Variants in FUT8 observed in about 807,000 individuals in gnomAD.
FUT8 encodes alpha-(1,6)-fucosyltransferase.
In FUT8, 29 loss-of-function variants were observed where a neutral mutation model predicts 71.3. The observed-to-expected ratio is 0.41, with a 90% CI of 0.30 to 0.55. FUT8 has a LOEUF of 0.55. Ranked by LOEUF, FUT8 falls within the 20% of genes least tolerant of loss-of-function variation. The probability of loss-of-function intolerance (pLI) is 0.34; values close to 1 mark genes in which losing one functional copy is unlikely to be tolerated. For missense variants in FUT8, 544 were observed against 702.1 expected, an observed-to-expected ratio of 0.77 and a Z score of 2.55; for synonymous variants, 254 against 239.3, an observed-to-expected ratio of 1.06 and a Z score of -0.57.
rs771685724 is a variant in FUT8, at chr14:65,561,685, G to T, written c.122G>T (p.Arg41Leu). 11 of 1,613,376 alleles carry T rather than the reference G, an allele frequency of 6.8e-6. No individual in the cohort carries two copies. The highest frequency in any genetic ancestry group is 1.7e-5 in the Admixed American group (1 of 59,918). ...AATGACCATCCTGATCACTCTAGCCGAGAACTGTCCAAGATTCTGGCAAAG... is the reference window on the plus strand; with the variant it reads ...AATGACCATCCTGATCACTCTAGCCTAGAACTGTCCAAGATTCTGGCAAAG... ...RDNDHPDHSS[R>L]ELSKILAKLE... is the part of the protein sequence containing the mutation. Residue 41 changes from arginine (R) to leucine (L), a missense_variant, in exon 3 of 11, where the codon CGA becomes CTA. Coordinates refer to ENST00000673929, the MANE Select transcript of FUT8 (RefSeq NM_001371533.1).
At chr14:65,702,778 C>T (rs1300854083) in intron 7 of FUT8, among the ~76,000 whole-genome samples, 3 of 150,904 alleles carry the variant, frequency 2.0e-5, no homozygotes, top group African/African-American at 4.9e-5. Context: ...TTTGGTGTGT[C>T]GCCAGGCTGG....
chr14:65,443,382 C>A (rs1401339453), intron 1 of FUT8, among the ~76,000 whole-genome samples: 1 of 150,152 alleles, frequency 6.7e-6, no homozygotes, highest in East Asian at 2.0e-4. Context: ...TGCACTCCAG[C>A]CTGGGCAACA....
At chr14:65,435,360 T>C (rs776566710) in intron 1 of FUT8, among the ~76,000 whole-genome samples, 4 of 152,240 alleles carry the variant, frequency 2.6e-5, no homozygotes, top group Non-Finnish European at 5.9e-5. Flanking sequence ...AGTGACATTG[T>C]AGTTATATAG....
chr14:65,694,002 A>G (rs868818089), intron 7 of FUT8, among the ~76,000 whole-genome samples: 2 of 151,848 alleles, frequency 1.3e-5, no homozygotes, highest in Admixed American at 6.6e-5. Flanking sequence ...TTCCTTTATT[A>G]TCGTTTTAAC....
rs543391313 is a variant in FUT8, at chr14:65,664,592, A to G, written c.598-4651A>G. ...AAAAAAGACCAGCTTGCTGTGACAC[A>G]TTTGAATATGAAAGGTACTTCTTCT... On this transcript the variant is annotated intron_variant, in intron 6 of 10. Coordinates refer to ENST00000673929, the MANE Select transcript of FUT8 (RefSeq NM_001371533.1). Among the ~76,000 whole-genome samples, 3 of 152,252 alleles carry G rather than the reference A, an allele frequency of 2.0e-5. No homozygotes were observed. In the South Asian group the frequency reaches 6.2e-4, roughly 32 times the overall value.
chr14:65,593,511 A>G (rs1887799256), intron 3 of FUT8, among the ~76,000 whole-genome samples: 1 of 152,152 alleles, frequency 6.6e-6, no homozygotes, highest in Non-Finnish European at 1.5e-5. Context: ...TGTGATATTA[A>G]TACAGAAATT....
At chr14:65,651,086 C>T (rs971088552) in intron 6 of FUT8, among the ~76,000 whole-genome samples, 2 of 152,206 alleles carry the variant, frequency 1.3e-5, no homozygotes, top group Non-Finnish European at 2.9e-5. Context: ...CCAATGGATG[C>T]TACAGCCACA....
rs560831752 is a variant in FUT8 at position 65,420,509 on chromosome 14, T to C, written c.-326+7295T>C. Among the ~76,000 whole-genome samples the C allele has an allele frequency of 7.9e-5, 12 of 152,130 alleles. No homozygotes were observed. The South Asian group carries it at 2.5e-3, about 31-fold the overall frequency. On this transcript the variant is annotated intron_variant, in intron 1 of 10. Coordinates refer to ENST00000673929, the MANE Select transcript of FUT8 (RefSeq NM_001371533.1). ...ATGATAAATAATGAAAATGTTTTAATAGGGATCATGTGTTCATTTCTACAT... is the reference window on the plus strand; with the variant it reads ...ATGATAAATAATGAAAATGTTTTAACAGGGATCATGTGTTCATTTCTACAT...
chr14:65,736,880 A>G lies in FUT8; in HGVS notation c.1410+3499A>G, dbSNP rs145878418. ...ATATCTCCTTCATAATTCTTTGACAATCTTTAAGTTTTATTCATGTAAACT... is the reference window on the plus strand; with the variant it reads ...ATATCTCCTTCATAATTCTTTGACAGTCTTTAAGTTTTATTCATGTAAACT... On this transcript the variant is annotated intron_variant, in intron 10 of 10. Transcript: ENST00000673929. Among the ~76,000 whole-genome samples, 477 of 152,192 alleles carry G rather than the reference A, an allele frequency of 3.1e-3. 2 individuals carry two copies. The highest frequency in any genetic ancestry group is 3.3e-3 in the African/African-American group (138 of 41,552).
rs1885907625 is a variant in FUT8 at position 65,561,425 on chromosome 14, A to G, written c.-139A>G. On this transcript the variant is annotated 5_prime_UTR_variant, in exon 3 of 11. Coordinates refer to ENST00000673929, the MANE Select transcript of FUT8 (RefSeq NM_001371533.1). ...TTGAAAGATTCACTGCAGGACTACC[A>G]GAGAGAATAATTTGTCTGAAGCATC... 1.3e-6 allele frequency: 1 copy of G among 749,524 alleles called. No homozygotes were observed. The highest frequency in any genetic ancestry group is 2.3e-6 in the Non-Finnish European group (1 of 443,532). The allele number at this position is 749,524 out of a possible 1,614,324, so 46.4% of individuals were successfully genotyped here.
At chr14:65,500,072 A>G in intron 2 of FUT8, among the ~76,000 whole-genome samples, 1 of 152,200 alleles carries the variant, frequency 6.6e-6, no homozygotes, top group East Asian at 1.9e-4. Flanking sequence ...GGGATTGTGT[A>G]GGGATCATAA....
intron 10 of FUT8, among the ~76,000 whole-genome samples, 164 bp from the exon 11 acceptor site, chr14:65,741,929 A>G (rs1896524248): frequency 1.3e-5 from 2 of 151,992 alleles, no homozygotes; most frequent in Admixed American, 6.6e-5. Context: ...ATGAAGAATG[A>G]CTTGTACCAT....
chr14:65,508,866 C>T (rs1882141589), intron 2 of FUT8, among the ~76,000 whole-genome samples: 1 of 152,000 alleles, frequency 6.6e-6, no homozygotes, highest in Non-Finnish European at 1.5e-5. Context: ...TATTTTCTTC[C>T]ATTCTGTGGG....
intron 1 of FUT8, among the ~76,000 whole-genome samples, chr14:65,446,156 A>AT (rs1203917117): frequency 6.6e-6 from 1 of 152,178 alleles, no homozygotes; most frequent in African/African-American, 2.4e-5. Context: ...TAATCTACAG[A>AT]TCCCCCATCT....
At chr14:65,729,636 A>G (rs536910850) in intron 9 of FUT8, among the ~76,000 whole-genome samples, 1 of 151,836 alleles carries the variant, frequency 6.6e-6, no homozygotes, top group East Asian at 1.9e-4. Flanking sequence ...CACCTCAGCC[A>G]TCTGAGTAGC....
chr14:65,403,242 A>G, the FUT8 span, among the ~76,000 whole-genome samples: 1 of 152,226 alleles, frequency 6.6e-6, no homozygotes. Context: ...CAACCCTATG[A>G]TGTAGATACT....
upstream of FUT8, chr14:65,411,176 T>G (rs919761318): frequency 6.6e-6 from 1 of 152,234 alleles, no homozygotes; most frequent in Non-Finnish European, 1.5e-5. Context: ...CAAATTGTTA[T>G]TGAATTATTT....
At position 65,558,325 on chromosome 14, in the gene FUT8, C is replaced by CAAA. The variant is rs67556145; in HGVS notation, c.-227-2997_-227-2995dup. Among the ~76,000 whole-genome samples the CAAA allele has an allele frequency of 2.9e-4, 34 of 118,186 alleles. 1 individual carries two copies. In the South Asian group the frequency reaches 9.5e-3, roughly 33 times the overall value. 77.5% of individuals were successfully genotyped at this position (118,186 alleles called of 152,430 possible). A position where few individuals can be genotyped will look rare whatever the true frequency, so the allele number is the denominator to read the frequency against. ...CCAGCCTGGGCAACAGAGCGAGACT[C>CAAA]AAAAAAAAAAAAAAAAAGACTCTCT... On this transcript the variant is annotated intron_variant, in intron 2 of 10. Coordinates refer to ENST00000673929, the MANE Select transcript of FUT8 (RefSeq NM_001371533.1).
the FUT8 span, among the ~76,000 whole-genome samples, chr14:65,370,912 A>C: frequency 6.6e-6 from 1 of 152,228 alleles, no homozygotes; most frequent in Non-Finnish European, 1.5e-5. Flanking sequence ...GAGAAGTGAC[A>C]AGACAAAGGA....
Sources: allele counts gnomAD v4.1 joint callset (sites outside exome capture counted in the v4.1 genomes callset), GRCh38; gene constraint gnomAD v4.1.1; transcripts MANE v1.5; gene names NCBI Gene and HGNC (gene_info 2026-07-23, HGNC 2026-07-21).